LRRCC1: variants seen among roughly 807,000 people sequenced by gnomAD.
LRRCC1 encodes the protein leucine-rich repeat and coiled-coil domain-containing protein 1.
In LRRCC1, 115 loss-of-function variants were observed where a neutral mutation model predicts 126.0. The ratio of observed to expected loss-of-function variants is 0.91; its 90% confidence interval spans 0.78 to 1.07. The LOEUF (loss-of-function observed/expected upper bound fraction) is 1.07. Ranked by LOEUF, LRRCC1 falls within the 50% of genes least tolerant of loss-of-function variation. LRRCC1 has a pLI of 0.00. For missense variants in LRRCC1, 1,172 were observed against 1,175.7 expected (o/e 1.00, Z 0.05); for synonymous variants, 400 against 393.4 (o/e 1.02, Z -0.20).
chr8:85,129,323 C>CT lies in LRRCC1; in HGVS notation c.1571dup (p.Glu525ArgfsTer34), dbSNP rs775866776. On this transcript the variant is annotated frameshift_variant, in exon 10 of 19. Coordinates refer to ENST00000360375, the MANE Select transcript of LRRCC1 (RefSeq NM_033402.5). LOFTEE classifies it high-confidence loss of function. ...GGATCACCTTAAACACTTAAGAACCCTCGAAAAAACATTAGAAAAAATGGA... is the reference window on the plus strand; with the variant it reads ...GGATCACCTTAAACACTTAAGAACCCTTCGAAAAAACATTAGAAAAAATGGA... The CT allele has an allele frequency of 1.2e-6, 2 of 1,612,120 alleles. No individual in the cohort carries two copies. The highest frequency in any genetic ancestry group is 3.4e-5 in the Admixed American group (2 of 59,686).
At chr8:85,113,219 G>A in intron 4 of LRRCC1, 120 bp downstream of exon 4, 1 of 681,456 alleles carries the variant, frequency 1.5e-6, no homozygotes, top group Admixed American at 2.9e-5. Context: ...TTCTATATTG[G>A]GGAAAACATG....
At chr8:85,138,648 A>G (rs955640995) in intron 17 of LRRCC1, among the ~76,000 whole-genome samples, 173 bp downstream of exon 17, 1 of 152,218 alleles carries the variant, frequency 6.6e-6, no homozygotes, top group East Asian at 1.9e-4. Flanking sequence ...CCTACCTTAA[A>G]TGTTAGATAA....
At chr8:85,108,744 A>C (rs985520572) in intron 1 of LRRCC1, 2 of 152,200 alleles carry the variant, frequency 1.3e-5, no homozygotes, top group Admixed American at 1.3e-4. Context: ...CTACAGCTGT[A>C]AGATAGCTGC....
chr8:85,128,385 A>G (rs1220300479), intron 9 of LRRCC1, among the ~76,000 whole-genome samples: 2 of 151,818 alleles, frequency 1.3e-5, no homozygotes, highest in African/African-American at 2.4e-5. Flanking sequence ...CTCATGAAAA[A>G]TCAATCTTTT....
chr8:85,110,804 G>A (rs928955226), intron 3 of LRRCC1, among the ~76,000 whole-genome samples: 3 of 152,138 alleles, frequency 2.0e-5, no homozygotes, highest in Non-Finnish European at 4.4e-5. Context: ...ATTGATTAAA[G>A]TGATGTAGCT....
rs200508775 is a variant in LRRCC1, at chr8:85,107,373, A to G, written c.78A>G (p.Val26=). The change falls in exon 1 of 19, where the codon GTA becomes GTG. Residue 26 remains valine, a synonymous_variant. Coordinates refer to ENST00000360375, the MANE Select transcript of LRRCC1 (RefSeq NM_033402.5). ...ACGGCGACAGCAGCTGCGGGGATGT[A>G]TGCTTCATGGACAAAGGCTTGCAGA... ...NEDGDSSCGD[V]CFMDKGLQSI... 1.9e-6 allele frequency: 3 copies of G among 1,613,782 alleles called. No individual in the cohort carries two copies. In the Admixed American group the frequency reaches 5.0e-5, roughly 27 times the overall value.
intron 8 of LRRCC1, 56 bp from the exon 9 acceptor site, chr8:85,126,633 C>T: frequency 6.8e-7 from 1 of 1,459,962 alleles, no homozygotes; most frequent in Non-Finnish European, 9.4e-7. Context: ...AAAATTGAGG[C>T]TGTGAGAAGT....
chr8:85,140,570 T>C (rs1337216372), intron 17 of LRRCC1, among the ~76,000 whole-genome samples: 1 of 152,224 alleles, frequency 6.6e-6, no homozygotes, highest in Non-Finnish European at 1.5e-5. Flanking sequence ...AAAGGAATTG[T>C]TTTACCTCCA....
intron 18 of LRRCC1, among the ~76,000 whole-genome samples, chr8:85,142,301 A>C (rs1433005461): frequency 6.6e-6 from 1 of 152,142 alleles, no homozygotes; most frequent in Non-Finnish European, 1.5e-5. Context: ...CAAAGAAAAA[A>C]AACACCATAT....
At position 85,115,395 on chromosome 8, in the gene LRRCC1, G is replaced by A. The variant is rs763943426; in HGVS notation, c.741G>A (p.Val247=). 6.2e-7 allele frequency: 1 copy of A among 1,612,990 alleles called. No homozygotes were observed. The highest frequency in any genetic ancestry group is 8.5e-7 in the Non-Finnish European group (1 of 1,179,150). ...CATAGATCATTGATAGAATGCCAGTGATAACAGCACCTATCGATGAGTTAG... is the reference window on the plus strand; with the variant it reads ...CATAGATCATTGATAGAATGCCAGTAATAACAGCACCTATCGATGAGTTAG... ...SEDEIIDRMP[V]ITAPIDELVP... Residue 247 remains valine, a synonymous_variant, in exon 6 of 19, where the codon GTG becomes GTA. Transcript: ENST00000360375.
intron 11 of LRRCC1, among the ~76,000 whole-genome samples, chr8:85,130,467 G>A (rs1357911671): frequency 6.6e-6 from 1 of 152,046 alleles, no homozygotes; most frequent in East Asian, 1.9e-4. Context: ...TAAAGATAGT[G>A]ATTGAGCATT....
chr8:85,130,903 A>C (rs1314100514), intron 11 of LRRCC1, among the ~76,000 whole-genome samples: 1 of 152,198 alleles, frequency 6.6e-6, no homozygotes, highest in Non-Finnish European at 1.5e-5. Flanking sequence ...ACAAAGAAAA[A>C]GGCAGTAGGT....
rs1204727517 is a variant in LRRCC1 at position 85,137,465 on chromosome 8, A to T, written c.2331A>T (p.Gly777=). ...KVWGHELAQQ[G]SSLAQNRGKL... is the part of the protein sequence containing the mutation. ...TAATTGATGATTTTTGTTTCTTAGG[A>T]TCTTCTCTAGCCCAAAATCGTGGAA... The change falls in exon 15 of 19, where the codon GGA becomes GGT. Residue 777 remains glycine (G), a splice_region_variant and synonymous_variant. Transcript: ENST00000360375. 1.3e-6 allele frequency: 2 copies of T among 1,547,942 alleles called. No individual in the cohort carries two copies. Among genetic ancestry groups the T allele is most frequent in the Non-Finnish European group, 1.7e-6 (2 of 1,157,326 alleles).
intron 7 of LRRCC1, 69 bp from the exon 8 acceptor site, chr8:85,124,723 T>C: frequency 1.0e-6 from 1 of 994,290 alleles, no homozygotes; most frequent in African/African-American, 1.7e-5. Flanking sequence ...CAACTAGAAA[T>C]GTTAATTTAG....
intron 4 of LRRCC1, among the ~76,000 whole-genome samples, chr8:85,113,686 A>G (rs1179768983): frequency 6.6e-6 from 1 of 151,998 alleles, no homozygotes; most frequent in Non-Finnish European, 1.5e-5. Context: ...AGAAATGAGA[A>G]AATTTTTTAC....
At chr8:85,131,701 TA>T in intron 11 of LRRCC1, 58 bp from the exon 12 acceptor site, 1 of 1,340,364 alleles carries the variant, frequency 7.5e-7, no homozygotes, top group Non-Finnish European at 1.0e-6. Flanking sequence ...TAAAGACCTT[TA>T]AAATGTTTCT....
In LRRCC1 at chr8:85,115,177, A is replaced by C; in HGVS notation, c.622A>C (p.Asn208His). Reference protein sequence around the residue: ...DCKNIFGEPVNLTEINSSQLQ... With the variant: ...DCKNIFGEPVHLTEINSSQLQ... ...CAAGAACATATTTGGTGAACCAGTA[A>C]ATTTGACAGAAATAAATTCATCACA... The change falls in exon 5 of 19, where the codon AAT becomes CAT. Residue 208 changes from asparagine (N) to histidine (H), a missense_variant. Asn to His is a moderately conservative substitution (Grantham distance 68). Coordinates refer to ENST00000360375, the MANE Select transcript of LRRCC1 (RefSeq NM_033402.5). The C allele has an allele frequency of 6.2e-7, 1 of 1,612,966 alleles. No individual in the cohort carries two copies.
chr8:85,110,646 GC>G (rs1808636537), intron 3 of LRRCC1, among the ~76,000 whole-genome samples: 5 of 152,206 alleles, frequency 3.3e-5, no homozygotes, highest in Admixed American at 3.3e-4. Flanking sequence ...AAAATAAAAA[GC>G]CGCATGTAGC....
chr8:85,119,583 T>C (rs1420421949), intron 6 of LRRCC1, among the ~76,000 whole-genome samples: 1 of 151,660 alleles, frequency 6.6e-6, no homozygotes, highest in Non-Finnish European at 1.5e-5. Flanking sequence ...CCTCCATGGC[T>C]CCTGGGTTCA....
Sources: gnomAD v4.1 joint callset for allele counts (sites outside exome capture counted in the v4.1 genomes callset) on GRCh38, gnomAD v4.1.1 for gene constraint, MANE v1.5 for transcripts, NCBI Gene and HGNC (gene_info 2026-07-23, HGNC 2026-07-21) for gene names.